The following GRIP1 variants were observed in gnomAD, a reference collection of about 807,000 sequenced individuals.
The protein encoded by GRIP1 is glutamate receptor interacting protein 1, also known as glutamate receptor-interacting protein 1.
In GRIP1, 45 loss-of-function variants were observed where a neutral mutation model predicts 129.9. The ratio of observed to expected loss-of-function variants is 0.35; its 90% CI spans 0.27 to 0.44. The LOEUF is 0.44. GRIP1 is among the 20% of genes least tolerant of loss of function. GRIP1 has a pLI of 1.00. For missense variants in GRIP1, 1,196 were observed against 1,396.8 expected, an observed-to-expected ratio of 0.86 and a Z score of 2.29; for synonymous variants, 530 against 520.8, an observed-to-expected ratio of 1.02 and a Z score of -0.24.
intron 1 of GRIP1, 52 bp from the exon 2 acceptor site, chr12:66,596,979 A>T: frequency 8.2e-7 from 1 of 1,213,712 alleles, no homozygotes; most frequent in Non-Finnish European, 1.2e-6. Flanking sequence ...TTTCTAATGC[A>T]GTGAAGATTT....
intron 2 of GRIP1, among the ~76,000 whole-genome samples, chr12:66,576,443 T>C (rs2063142369): frequency 6.6e-6 from 1 of 152,202 alleles, no homozygotes; most frequent in Non-Finnish European, 1.5e-5. Context: ...GAGTAGTAGA[T>C]GTATGTGATG....
Position 66,583,410 on chromosome 12 carries a change from A to T in GRIP1, c.136+13437T>A, listed in dbSNP as rs1288640062. Among the ~76,000 whole-genome samples the T allele has an allele frequency of 7.6e-3, 1,106 of 146,300 alleles. 8 individuals are homozygous for T. Among genetic ancestry groups the T allele is most frequent in the African/African-American group, 0.027 (1,063 of 39,580 alleles). On this transcript the variant is annotated intron_variant, in intron 2 of 24. Coordinates refer to ENST00000359742, the MANE Select transcript of GRIP1 (RefSeq NM_001366722.1). ...ACAAAAGCCAAAATTGACAAATGGGATCTAATTAAACTAAAGAGCTTCTGC... is the reference window on the plus strand; with the variant it reads ...ACAAAAGCCAAAATTGACAAATGGGTTCTAATTAAACTAAAGAGCTTCTGC...
chr12:66,941,021 C>T (rs1021160411), intron 1 of GRIP1, among the ~76,000 whole-genome samples: 1 of 151,934 alleles, frequency 6.6e-6, no homozygotes, highest in Non-Finnish European at 1.5e-5. Context: ...AAACAATATG[C>T]ATTTTATTAA....
intron 1 of GRIP1, among the ~76,000 whole-genome samples, chr12:66,713,481 T>TCC (rs2035774065): frequency 6.6e-6 from 1 of 151,742 alleles, no homozygotes; most frequent in Non-Finnish European, 1.5e-5. Context: ...CTTCTTGGGG[T>TCC]CCCCCTCAGA....
chr12:66,806,081 A>G (rs2038986967), upstream of GRIP1, among the ~76,000 whole-genome samples: 1 of 151,418 alleles, frequency 6.6e-6, no homozygotes, highest in Non-Finnish European at 1.5e-5. Flanking sequence ...GAAGATCTGG[A>G]TTTTAGACCT....
chr12:66,801,561 A>C (rs1452440204), intron 1 of GRIP1, among the ~76,000 whole-genome samples: 1 of 152,176 alleles, frequency 6.6e-6, no homozygotes, highest in Non-Finnish European at 1.5e-5. Flanking sequence ...TGAAATTCTA[A>C]ATCAGAACCC....
At chr12:66,355,210 T>C (rs1360194640) in intron 23 of GRIP1, among the ~76,000 whole-genome samples, 1 of 152,134 alleles carries the variant, frequency 6.6e-6, no homozygotes, top group African/African-American at 2.4e-5. Context: ...CATTCCATCA[T>C]TGTGTGTGCA....
chr12:66,577,490 G>C (rs529636531), intron 2 of GRIP1, among the ~76,000 whole-genome samples: 1 of 152,282 alleles, frequency 6.6e-6, no homozygotes, highest in African/African-American at 2.4e-5. Flanking sequence ...AGAGCACTCC[G>C]AGTTCCACTC....
At chr12:66,445,243 A>G (rs1320273985) in intron 12 of GRIP1, 79 bp downstream of exon 12, 1 of 1,124,054 alleles carries the variant, frequency 8.9e-7, no homozygotes, top group Admixed American at 1.7e-5. Flanking sequence ...GCAATGTTTC[A>G]TAATTTACTA....
At chr12:66,696,433 C>T (rs2136332731) in intron 1 of GRIP1, among the ~76,000 whole-genome samples, 1 of 151,914 alleles carries the variant, frequency 6.6e-6, no homozygotes, top group South Asian at 2.1e-4. Context: ...AAAGAGGCTA[C>T]AAAGAGAATG....
chr12:66,647,740 C>T (rs2032484887), intron 1 of GRIP1, among the ~76,000 whole-genome samples: 1 of 152,184 alleles, frequency 6.6e-6, no homozygotes, highest in South Asian at 2.1e-4. Context: ...AGGCCCTGCT[C>T]AAAAGGTACT....
At chr12:66,882,547 G>C (rs2040497675) in intron 1 of GRIP1, among the ~76,000 whole-genome samples, 1 of 152,128 alleles carries the variant, frequency 6.6e-6, no homozygotes, top group Non-Finnish European at 1.5e-5. Context: ...TCTGTAAAAT[G>C]AGACTATTGT....
At chr12:66,977,807 ATTTTTT>A (rs200381983) in intron 1 of GRIP1, among the ~76,000 whole-genome samples, 4 of 60,274 alleles carry the variant, frequency 6.6e-5, no homozygotes, top group South Asian at 7.4e-4. Flanking sequence ...AGAGCTGAGC[ATTTTTT>A]TTTTTTTTTT....
chr12:66,679,937 A>C (rs901322147), upstream of GRIP1, among the ~76,000 whole-genome samples: 1 of 152,174 alleles, frequency 6.6e-6, no homozygotes, highest in Non-Finnish European at 1.5e-5. Flanking sequence ...CAAAGTGATA[A>C]GAAGGCGGAG....
chr12:66,654,660 T>C (rs1300799984), intron 1 of GRIP1, among the ~76,000 whole-genome samples: 1 of 152,168 alleles, frequency 6.6e-6, no homozygotes. Flanking sequence ...AGCAAGGTGG[T>C]AGCATTTACT....
At chr12:66,944,188 C>T (rs2041630525) in intron 1 of GRIP1, among the ~76,000 whole-genome samples, 1 of 152,164 alleles carries the variant, frequency 6.6e-6, no homozygotes, top group South Asian at 2.1e-4. Context: ...TGGGGCATCT[C>T]ATTTACCCTT....
intron 1 of GRIP1, among the ~76,000 whole-genome samples, chr12:66,790,608 A>G (rs2038500269): frequency 6.6e-6 from 1 of 152,204 alleles, no homozygotes; most frequent in African/African-American, 2.4e-5. Context: ...TAGATAACGT[A>G]AGGAATGAGA....
At position 66,493,808 on chromosome 12, in the gene GRIP1, G is replaced by A. The variant is rs151243590; in HGVS notation, c.724+21811C>T. 3.2e-3 allele frequency among the ~76,000 whole-genome samples: 494 copies of A among 152,276 alleles called. 5 individuals carry two copies. Among genetic ancestry groups the A allele is most frequent in the African/African-American group, 0.011 (456 of 41,558 alleles). On this transcript the variant is annotated intron_variant, in intron 7 of 24. Coordinates refer to ENST00000359742, the MANE Select transcript of GRIP1 (RefSeq NM_001366722.1). Reference sequence around the variant, plus strand: ...ATGATGGCACTGCAGGATCACTCATGATACCTTTATTATGTTAAGAAGTGA... The same window carrying A: ...ATGATGGCACTGCAGGATCACTCATAATACCTTTATTATGTTAAGAAGTGA...
intron 2 of GRIP1, among the ~76,000 whole-genome samples, chr12:66,553,742 C>T (rs2062222344): frequency 6.6e-6 from 1 of 151,682 alleles, no homozygotes; most frequent in Admixed American, 6.6e-5. Flanking sequence ...AATTTATGAG[C>T]TTGGGGGAGG....
Sources: allele counts gnomAD v4.1 joint callset (sites outside exome capture counted in the v4.1 genomes callset), GRCh38; gene constraint gnomAD v4.1.1; transcripts MANE v1.5; gene names NCBI Gene and HGNC (gene_info 2026-07-23, HGNC 2026-07-21).